NUCB2: variants seen among roughly 807,000 people sequenced by gnomAD.
NUCB2 encodes the protein nucleobindin-2.
Under a neutral mutation model 57.9 loss-of-function variants are expected in NUCB2, and 48 were observed. That is an observed-to-expected ratio of 0.83 (90% CI 0.66 to 1.05). The LOEUF (loss-of-function observed/expected upper bound fraction) is 1.05, where lower values mean the gene tolerates loss of function less well. Ranked by LOEUF, NUCB2 falls within the 50% of genes least tolerant of loss-of-function variation. NUCB2 has a pLI of 0.00. For synonymous variants in NUCB2, 139 were observed against 152.1 expected, an observed-to-expected ratio of 0.91 and a Z score of 0.64; for missense variants, 442 against 476.2, an observed-to-expected ratio of 0.93 and a Z score of 0.67.
intron 5 of NUCB2, among the ~76,000 whole-genome samples, chr11:17,302,614 A>G (rs1946927246): frequency 6.6e-6 from 1 of 152,058 alleles, no homozygotes; most frequent in African/African-American, 2.4e-5. Flanking sequence ...TCTGTCACCT[A>G]GGCTGGAGTG....
rs1290958369 is a variant in NUCB2, at chr11:17,288,961, A to ATTTT, written c.-1+6019_-1+6020insTTTT. On this transcript the variant is annotated intron_variant, in intron 2 of 13. Coordinates refer to ENST00000529010, the MANE Select transcript of NUCB2 (RefSeq NM_005013.4). ...CACACACACACACACATATATATAT[A>ATTTT]TATTTTTTTTTTTTGAGATGGAGTT... Among the ~76,000 whole-genome samples, 547 of 56,392 alleles carry ATTTT rather than the reference A, an allele frequency of 9.7e-3. 86 individuals carry two copies. Among genetic ancestry groups the ATTTT allele is most frequent in the Admixed American group, 0.024 (99 of 4,116 alleles). 37.0% of individuals were successfully genotyped at this position (56,392 alleles called of 152,430 possible). A position where few individuals can be genotyped will look rare whatever the true frequency, so the allele number is the denominator to read the frequency against.
chr11:17,344,944 C>A (rs1432757448), intron 2 of NUCB2, among the ~76,000 whole-genome samples: 1 of 152,124 alleles, frequency 6.6e-6, no homozygotes, highest in African/African-American at 2.4e-5. Context: ...CTTTCAGGGA[C>A]AGTGAAAGGA....
At chr11:17,288,552 C>CTTCTTTTTTTTTTTTT (rs1375589442) in intron 2 of NUCB2, among the ~76,000 whole-genome samples, 56 of 101,168 alleles carry the variant, frequency 5.5e-4, no homozygotes, top group African/African-American at 2.5e-3. Flanking sequence ...TCTTCTTCTT[C>CTTCTTTTTTTTTTTTT]TTTTTTTTTT....
At position 17,282,776 on chromosome 11, in the gene NUCB2, T is replaced by A. The variant is rs888223670; in HGVS notation, c.-155-13T>A. ...TCTTTTATTTATTTATTTTTATTTT[T>A]TTTTACATTTAGAACGTGTTACGAG... is the stretch of plus-strand genomic sequence containing the variant. On this transcript the variant is annotated splice_polypyrimidine_tract_variant and intron_variant, in intron 1 of 13. Transcript: ENST00000529010. 3.0e-4 allele frequency: 45 copies of A among 152,152 alleles called. No homozygotes were observed. Among genetic ancestry groups the A allele is most frequent in the Non-Finnish European group, 5.4e-4 (37 of 68,036 alleles). The allele number at this position is 152,152 out of a possible 1,614,324, so 9.4% of individuals were successfully genotyped here. A position where few individuals can be genotyped will look rare whatever the true frequency, so the allele number is the denominator to read the frequency against.
At chr11:17,341,549 C>T (rs1222358175) in intron 2 of NUCB2, among the ~76,000 whole-genome samples, 1 of 151,986 alleles carries the variant, frequency 6.6e-6, no homozygotes, top group Non-Finnish European at 1.5e-5. Context: ...TTGTCAAAGG[C>T]CTTTTCTGCA....
At chr11:17,310,053 T>C (rs1404838453) in intron 6 of NUCB2, among the ~76,000 whole-genome samples, 1 of 152,198 alleles carries the variant, frequency 6.6e-6, no homozygotes, top group Non-Finnish European at 1.5e-5. Context: ...ATATTCCCTT[T>C]CTTTAAGGTA....
At chr11:17,325,439 CTCT>C (rs1216611060) in intron 11 of NUCB2, among the ~76,000 whole-genome samples, 1 of 152,048 alleles carries the variant, frequency 6.6e-6, no homozygotes, top group Non-Finnish European at 1.5e-5. Flanking sequence ...TTTTCTTTGT[CTCT>C]TCTTAGTTTT....
At chr11:17,331,343 T>G in intron 13 of NUCB2, 69 bp from the exon 14 acceptor site, 5 of 866,018 alleles carry the variant, frequency 5.8e-6, no homozygotes, top group Non-Finnish European at 8.5e-6. Context: ...AGTATATTTG[T>G]ATATGAAGGA....
intron 8 of NUCB2, 67 bp downstream of exon 8, chr11:17,311,350 A>G: frequency 8.4e-7 from 1 of 1,190,250 alleles, no homozygotes. Context: ...TTTCCTCTTA[A>G]TTGATTTCTG....
At chr11:17,293,653 T>C (rs965187496) in intron 2 of NUCB2, among the ~76,000 whole-genome samples, 1 of 152,230 alleles carries the variant, frequency 6.6e-6, no homozygotes, top group Admixed American at 6.5e-5. Flanking sequence ...TGTCCATCAG[T>C]TCATGAATGG....
intron 2 of NUCB2, among the ~76,000 whole-genome samples, chr11:17,345,602 G>C (rs1952663596): frequency 6.6e-6 from 1 of 152,128 alleles, no homozygotes; most frequent in African/African-American, 2.4e-5. Context: ...AGCTACTCAG[G>C]AGGCTGAGGC....
rs763170332 is a variant in NUCB2 at position 17,296,221 on chromosome 11, A to G, written c.252+10A>G. On this transcript the variant is annotated intron_variant, in intron 4 of 13. Coordinates refer to ENST00000529010, the MANE Select transcript of NUCB2 (RefSeq NM_005013.4). ...CATAGAGGAAATAAAGGTAAATGCAATTCAATAATATATACATATATGTAT... is the reference window on the plus strand; with the variant it reads ...CATAGAGGAAATAAAGGTAAATGCAGTTCAATAATATATACATATATGTAT... The G allele has an allele frequency of 6.1e-6, 9 of 1,469,188 alleles. No homozygotes were observed. In the South Asian group the frequency reaches 6.9e-5, roughly 11 times the overall value. The allele number at this position is 1,469,188 out of a possible 1,614,324, so 91.0% of individuals were successfully genotyped here.
intron 2 of NUCB2, among the ~76,000 whole-genome samples, chr11:17,288,882 TACACACACAC>T (rs1167995024): frequency 0.011 from 469 of 44,622 alleles, 15 homozygotes; most frequent in African/African-American, 0.013. Flanking sequence ...AACATGTATA[TACACACACAC>T]ACACACACAC....
intron 11 of NUCB2, among the ~76,000 whole-genome samples, chr11:17,326,609 G>T (rs554940475): frequency 6.6e-6 from 1 of 152,052 alleles, no homozygotes; most frequent in African/African-American, 2.4e-5. Flanking sequence ...ATGAGCCACC[G>T]CACCTGGCTG....
At chr11:17,277,201 T>TG (rs1204776990) in intron 1 of NUCB2, 1 of 152,234 alleles carries the variant, frequency 6.6e-6, no homozygotes, top group African/African-American at 2.4e-5. Flanking sequence ...TTCCAGGCGA[T>TG]GCTCCCCTGT....
At position 17,314,997 on chromosome 11, in the gene NUCB2, C is replaced by T. The variant is rs867744143; in HGVS notation, c.913-389C>T. Among the ~76,000 whole-genome samples the T allele has an allele frequency of 9.9e-5, 15 of 152,216 alleles. No homozygotes were observed. The South Asian group carries it at 2.1e-3, about 21-fold the overall frequency. The stretch of plus-strand genomic sequence containing the variant: ...AACCTCCTTTACTCTTGGCTAAAAC[C>T]GTCCTCTTTCTGGAATGGTTCTTTT... On this transcript the variant is annotated intron_variant, in intron 10 of 13. Transcript: ENST00000529010.
intron 2 of NUCB2, among the ~76,000 whole-genome samples, chr11:17,343,618 G>C (rs1008278606): frequency 3.4e-4 from 52 of 151,922 alleles, no homozygotes; most frequent in African/African-American, 1.2e-3. Context: ...TTCTGTTCTT[G>C]GTGTGACAAC....
At chr11:17,338,984 T>TTTTA (rs1555114110) in intron 2 of NUCB2, among the ~76,000 whole-genome samples, 1 of 146,136 alleles carries the variant, frequency 6.8e-6, no homozygotes, top group Non-Finnish European at 1.5e-5. Context: ...TTTTATTTTA[T>TTTTA]TTTATTTATT....
rs76299999 is a variant in NUCB2 at position 17,278,009 on chromosome 11, T to C, written c.-156+1181T>C. ...TAGGATGAACATGGAAACTTCTATT[T>C]CTCATCGTGGTCTTCAAGCTTTCCA... On this transcript the variant is annotated intron_variant, in intron 1 of 13. Coordinates refer to ENST00000529010, the MANE Select transcript of NUCB2 (RefSeq NM_005013.4). Among the ~76,000 whole-genome samples, 1,360 of 152,210 alleles carry C rather than the reference T, an allele frequency of 8.9e-3. 22 individuals carry two copies. The highest frequency in any genetic ancestry group is 0.031 in the African/African-American group (1,276 of 41,532).
Sources: gnomAD v4.1 joint callset for allele counts (sites outside exome capture counted in the v4.1 genomes callset) on GRCh38, gnomAD v4.1.1 for gene constraint, MANE v1.5 for transcripts, NCBI Gene and HGNC (gene_info 2026-07-23, HGNC 2026-07-21) for gene names.